The following MNDA variants were observed in gnomAD, a reference collection of about 807,000 sequenced individuals.
The protein encoded by MNDA is epididymis secretory sperm binding protein.
A neutral mutation model predicts 37.8 loss-of-function variants in MNDA; 43 were observed. The ratio of observed to expected loss-of-function variants is 1.14; its 90% CI spans 0.89 to 1.47. The LOEUF is 1.47. Ranked by LOEUF, MNDA falls within the 40% of genes most tolerant of loss-of-function variation. The pLI is 0.00. For synonymous variants in MNDA, 181 were observed against 169.0 expected (o/e 1.07, Z -0.55); for missense variants, 536 against 476.0 (o/e 1.13, Z -1.17).
At chr1:158,845,562 A>G in intron 4 of MNDA, 25 bp from the exon 5 acceptor site, 4 of 1,578,732 alleles carry the variant, frequency 2.5e-6, no homozygotes, top group Admixed American at 3.8e-5. Context: ...TTTTAAGTTT[A>G]TTTTCTTGTG....
intron 2 of MNDA, chr1:158,842,736 A>G (rs532632890): frequency 1.4e-5 from 3 of 209,332 alleles, no homozygotes; most frequent in Non-Finnish European, 2.9e-5. Context: ...AATGTGTTTT[A>G]TTTGAAATAT....
chr1:158,846,897 A>C (rs966086415), intron 5 of MNDA, among the ~76,000 whole-genome samples: 1 of 152,236 alleles, frequency 6.6e-6, no homozygotes, highest in Non-Finnish European at 1.5e-5. Context: ...TAATAGCTTA[A>C]GTGTGTGAAA....
rs1222225259 is a variant in MNDA at position 158,846,006 on chromosome 1, A to G, written c.987+3A>G. ...ATGGGTTGTTTATGTTACAAAAGGTAAACCCTTAATTTTGTTTTAATTTTC... is the reference window on the plus strand; with the variant it reads ...ATGGGTTGTTTATGTTACAAAAGGTGAACCCTTAATTTTGTTTTAATTTTC... On this transcript the variant is annotated splice_donor_region_variant and intron_variant, in intron 5 of 6. Transcript: ENST00000368141. The G allele has an allele frequency of 5.7e-6, 9 of 1,583,620 alleles. No individual in the cohort carries two copies. Among genetic ancestry groups the G allele is most frequent in the Non-Finnish European group, 7.7e-6 (9 of 1,167,034 alleles).
At chr1:158,839,875 T>G (rs563876472) in intron 1 of MNDA, among the ~76,000 whole-genome samples, 1 of 152,324 alleles carries the variant, frequency 6.6e-6, no homozygotes, top group Admixed American at 6.5e-5. Context: ...GTCTGGAACG[T>G]CCTTGTCTGC....
intron 1 of MNDA, among the ~76,000 whole-genome samples, chr1:158,835,642 T>C (rs1658896663): frequency 1.3e-5 from 2 of 148,810 alleles, no homozygotes; most frequent in African/African-American, 2.5e-5. Context: ...TGTTAAACCC[T>C]CAGTACTATC....
At chr1:158,842,458 G>C in intron 2 of MNDA, 40 bp downstream of exon 2, 1 of 1,563,536 alleles carries the variant, frequency 6.4e-7, no homozygotes, top group Non-Finnish European at 8.6e-7. Context: ...TCTGCCTTGA[G>C]TCTCCCCAGT....
intron 1 of MNDA, among the ~76,000 whole-genome samples, chr1:158,840,441 C>A (rs1659008376): frequency 6.6e-6 from 1 of 152,078 alleles, no homozygotes; most frequent in African/African-American, 2.4e-5. Context: ...AACCATAGAT[C>A]TCATGAGAAC....
chr1:158,844,177 T>G (rs1659089660), intron 4 of MNDA, 55 bp downstream of exon 4: 1 of 1,391,712 alleles, frequency 7.2e-7, no homozygotes, highest in Middle Eastern at 1.9e-4. Context: ...CACAGTGCAT[T>G]CCACTGTTAC....
intron 2 of MNDA, chr1:158,842,861 C>T (rs1659058967): frequency 5.7e-6 from 1 of 176,070 alleles, no homozygotes; most frequent in African/African-American, 2.4e-5. Flanking sequence ...CACTTTGCCA[C>T]ATTACAATTC....
rs188397808 is a variant in MNDA, at chr1:158,831,965, A to C, written c.-21+408A>C. ...ATAAACCAGGATATAAATCTCTATT[A>C]TATGATTTTATCTCTATTTTAAAAA... On this transcript the variant is annotated intron_variant, in intron 1 of 6. Coordinates refer to ENST00000368141, the MANE Select transcript of MNDA (RefSeq NM_002432.3). 3.2e-3 allele frequency among the ~76,000 whole-genome samples: 486 copies of C among 152,272 alleles called. 4 individuals are homozygous for C. The highest frequency in any genetic ancestry group is 0.01 in the African/African-American group (436 of 41,564).
At chr1:158,831,595 G>C (rs1231610549) in intron 1 of MNDA, 38 bp downstream of exon 1, 3 of 152,160 alleles carry the variant, frequency 2.0e-5, no homozygotes, top group African/African-American at 7.2e-5. Flanking sequence ...AAAGATCTAG[G>C]TATCTAGTTG....
At chr1:158,838,812 G>A (rs1658972423) in intron 1 of MNDA, among the ~76,000 whole-genome samples, 1 of 152,056 alleles carries the variant, frequency 6.6e-6, no homozygotes, top group Admixed American at 6.6e-5. Context: ...AATTACACAT[G>A]ACCTGTCTAA....
intron 4 of MNDA, among the ~76,000 whole-genome samples, chr1:158,845,323 C>T (rs1335663047): frequency 1.3e-5 from 2 of 152,118 alleles, no homozygotes; most frequent in Non-Finnish European, 2.9e-5. Context: ...CTGCAAGCTC[C>T]GCCTCCCAGG....
intron 5 of MNDA, among the ~76,000 whole-genome samples, chr1:158,847,002 G>T (rs1182712404): frequency 6.6e-6 from 1 of 152,218 alleles, no homozygotes; most frequent in African/African-American, 2.4e-5. Context: ...ATGAATGATT[G>T]TGTTATAGAA....
At chr1:158,847,997 T>C in intron 6 of MNDA, 81 bp downstream of exon 6, 3 of 1,314,642 alleles carry the variant, frequency 2.3e-6, no homozygotes, top group Non-Finnish European at 1.1e-6. Context: ...AGGTTCCTCA[T>C]GTATTACTCA....
At chr1:158,847,296 A>G (rs1365259160) in intron 5 of MNDA, among the ~76,000 whole-genome samples, 2 of 152,234 alleles carry the variant, frequency 1.3e-5, no homozygotes, top group African/African-American at 4.8e-5. Flanking sequence ...TTTGTACCCC[A>G]AAAGCTATTG....
In MNDA at chr1:158,845,834, A is replaced by T; in HGVS notation, c.818A>T (p.Glu273Val). The T allele has an allele frequency of 6.2e-7, 1 of 1,614,190 alleles. No individual in the cohort carries two copies. The highest frequency in any genetic ancestry group is 8.5e-7 in the Non-Finnish European group (1 of 1,180,002). The change falls in exon 5 of 7, where the codon GAA (glutamate) becomes GTA (valine). Residue 273 changes from glutamate (E) to valine (V), a missense_variant. Physicochemically the swap from Glu to Val is moderately radical, Grantham distance 121. Transcript: ENST00000368141. Reference protein sequence around the residue: ...KKVITISDYSECKGVMEIKEA... With the variant: ...KKVITISDYSVCKGVMEIKEA... ...GTCATTACCATATCTGATTACTCTGAATGTAAAGGAGTAATGGAAATAAAG... is the reference window on the plus strand; with the variant it reads ...GTCATTACCATATCTGATTACTCTGTATGTAAAGGAGTAATGGAAATAAAG...
chr1:158,834,319 G>A (rs539287411), intron 1 of MNDA, among the ~76,000 whole-genome samples: 7 of 146,134 alleles, frequency 4.8e-5, no homozygotes, highest in South Asian at 2.1e-4. Flanking sequence ...TGCAAGCTCC[G>A]CCTCCCGGGT....
At chr1:158,843,463 C>T in intron 3 of MNDA, 48 bp downstream of exon 3, 2 of 1,521,670 alleles carry the variant, frequency 1.3e-6, no homozygotes, top group East Asian at 2.4e-5. Context: ...AGAAGATACT[C>T]TGCTATGGCA....
Sources: allele counts gnomAD v4.1 joint callset (sites outside exome capture counted in the v4.1 genomes callset), GRCh38; gene constraint gnomAD v4.1.1; transcripts MANE v1.5; gene names NCBI Gene and HGNC (gene_info 2026-07-23, HGNC 2026-07-21).